ADAD1: variants seen among roughly 807,000 people sequenced by gnomAD.
ADAD1 encodes the protein adenosine deaminase domain containing 1.
In ADAD1, 46 loss-of-function variants were observed where a neutral mutation model predicts 66.8. The observed-to-expected ratio is 0.69, with a 90% CI of 0.54 to 0.88. The LOEUF (loss-of-function observed/expected upper bound fraction) is 0.88, where lower values mean the gene tolerates loss of function less well. Ranked by LOEUF, ADAD1 falls within the 40% of genes least tolerant of loss-of-function variation. ADAD1 has a pLI of 0.00. For missense variants in ADAD1, 617 were observed against 681.8 expected (o/e 0.91, Z 1.06); for synonymous variants, 248 against 229.4 (o/e 1.08, Z -0.73).
chr4:122,380,188 C>T lies in ADAD1; in HGVS notation c.119C>T (p.Ser40Phe), dbSNP rs1794820432. ...TKTITTPTGW[S>F]SESYGLSKMA... ...ACGATAACTACACCCACAGGATGGT[C>T]CTCAGAAAGTTACGGCCTGTCCAAG... Residue 40 changes from serine (S) to phenylalanine (F), a missense_variant, in exon 3 of 13, where the codon TCC becomes TTC. Coordinates refer to ENST00000296513, the MANE Select transcript of ADAD1 (RefSeq NM_139243.4). The T allele has an allele frequency of 1.9e-6, 3 of 1,614,006 alleles. No homozygotes were observed. The highest frequency in any genetic ancestry group is 2.7e-5 in the African/African-American group (2 of 74,906).
At chr4:122,418,423 C>A (rs45494096) in intron 11 of ADAD1, among the ~76,000 whole-genome samples, 1 of 150,986 alleles carries the variant, frequency 6.6e-6, no homozygotes, top group Non-Finnish European at 1.5e-5. Flanking sequence ...TCCTGGTTCA[C>A]GCCATTCTCC....
intron 4 of ADAD1, among the ~76,000 whole-genome samples, chr4:122,381,429 C>T (rs1032222383): frequency 6.6e-6 from 1 of 152,106 alleles, no homozygotes; most frequent in African/African-American, 2.4e-5. Flanking sequence ...GGAAATTAGT[C>T]TCATGGACTA....
chr4:122,385,966 A>G (rs1247829617), intron 5 of ADAD1, among the ~76,000 whole-genome samples: 2 of 152,070 alleles, frequency 1.3e-5, no homozygotes, highest in Non-Finnish European at 2.9e-5. Flanking sequence ...GGTTGGTTCC[A>G]TGTCTTCGCT....
At chr4:122,427,237 G>A (rs1327691879) in intron 12 of ADAD1, among the ~76,000 whole-genome samples, 3 of 152,158 alleles carry the variant, frequency 2.0e-5, no homozygotes, top group Admixed American at 6.5e-5. Context: ...AGCACCAAAC[G>A]TGTACATTTG....
In ADAD1 at chr4:122,429,764, A is replaced by C; in HGVS notation, c.*25A>C. On this transcript the variant is annotated 3_prime_UTR_variant, in exon 13 of 13. Coordinates refer to ENST00000296513, the MANE Select transcript of ADAD1 (RefSeq NM_139243.4). ...AAATAGGCAATCCATTATCACATTAAAAATCTTGTTTTGTTTGGTGTGTTT... is the reference window on the plus strand; with the variant it reads ...AAATAGGCAATCCATTATCACATTACAAATCTTGTTTTGTTTGGTGTGTTT... 6.7e-7 allele frequency: 1 copy of C among 1,496,286 alleles called. No homozygotes were observed. The allele number at this position is 1,496,286 out of a possible 1,614,324, so 92.7% of individuals were successfully genotyped here.
chr4:122,418,423 C>G (rs45494096), intron 11 of ADAD1, among the ~76,000 whole-genome samples: 1 of 150,986 alleles, frequency 6.6e-6, no homozygotes, highest in African/African-American at 2.4e-5. Flanking sequence ...TCCTGGTTCA[C>G]GCCATTCTCC....
chr4:122,380,321 T>C (rs1794831259), intron 3 of ADAD1, 80 bp downstream of exon 3: 2 of 1,494,786 alleles, frequency 1.3e-6, no homozygotes, highest in Middle Eastern at 1.8e-4. Context: ...GAGTCTCTGG[T>C]TTAAAGGTTT....
At chr4:122,411,559 G>A (rs1050109666) in intron 9 of ADAD1, among the ~76,000 whole-genome samples, 167 bp downstream of exon 9, 3 of 151,926 alleles carry the variant, frequency 2.0e-5, no homozygotes, top group East Asian at 1.9e-4. Flanking sequence ...TTCCCTTCCC[G>A]TCAATCTAAT....
intron 12 of ADAD1, among the ~76,000 whole-genome samples, chr4:122,424,335 G>A (rs1797136902): frequency 6.6e-6 from 1 of 152,138 alleles, no homozygotes; most frequent in Admixed American, 6.5e-5. Flanking sequence ...GAGTATGTGT[G>A]CGTGCATGTC....
Position 122,383,951 on chromosome 4 carries a change from A to G in ADAD1, c.514A>G (p.Ile172Val), listed in dbSNP as rs751214775. The change falls in exon 5 of 13, where the codon ATT (isoleucine) becomes GTT (valine). Residue 172 changes from isoleucine (I) to valine (V), a missense_variant. Ile to Val is a conservative substitution (Grantham distance 29). Coordinates refer to ENST00000296513, the MANE Select transcript of ADAD1 (RefSeq NM_139243.4). ...LLQLDEPEPR[I>V]LETSGPPPFP... ...ACAACTGGATGAACCTGAACCACGA[A>G]TTTTAGAAACATCAGGTAAATACTC... 1.9e-6 allele frequency: 3 copies of G among 1,607,406 alleles called. No homozygotes were observed. The highest frequency in any genetic ancestry group is 1.1e-5 in the South Asian group (1 of 89,276).
intron 7 of ADAD1, among the ~76,000 whole-genome samples, chr4:122,402,783 A>G (rs1250394594): frequency 1.3e-5 from 2 of 152,072 alleles, no homozygotes; most frequent in Non-Finnish European, 2.9e-5. Flanking sequence ...CTTCTAGTCT[A>G]TTGCTGAAAC....
rs376347492 is a variant in ADAD1 at position 122,426,868 on chromosome 4, T to C, written c.1618-2758T>C. On this transcript the variant is annotated intron_variant, in intron 12 of 12. Coordinates refer to ENST00000296513, the MANE Select transcript of ADAD1 (RefSeq NM_139243.4). ...AAGGGCATCAATGAAGAGCCTACCA[T>C]TGACATTCTGCTTAATGGTGAAAAG... Among the ~76,000 whole-genome samples, 5 of 152,280 alleles carry C rather than the reference T, an allele frequency of 3.3e-5. No individual in the cohort carries two copies. In the East Asian group the frequency reaches 5.8e-4, roughly 18 times the overall value.
chr4:122,423,883 C>G (rs1170868006), intron 12 of ADAD1, among the ~76,000 whole-genome samples: 1 of 152,116 alleles, frequency 6.6e-6, no homozygotes, highest in Non-Finnish European at 1.5e-5. Context: ...CTAATAGATA[C>G]AAAGTTCTTT....
At position 122,380,879 on chromosome 4, in the gene ADAD1, A is replaced by G. The variant is rs995701142; in HGVS notation, c.173-113A>G. On this transcript the variant is annotated intron_variant, in intron 3 of 12. Coordinates refer to ENST00000296513, the MANE Select transcript of ADAD1 (RefSeq NM_139243.4). Reference sequence around the variant, plus strand: ...TGTTTAGTAGAAACTTAAGAAAAACATATGATGAAGTGTATCTGGGACAAC... The same window carrying G: ...TGTTTAGTAGAAACTTAAGAAAAACGTATGATGAAGTGTATCTGGGACAAC... 6.3e-6 allele frequency: 6 copies of G among 948,168 alleles called. No homozygotes were observed. In the African/African-American group the frequency reaches 1.0e-4, roughly 16 times the overall value. The allele number at this position is 948,168 out of a possible 1,614,324, so 58.7% of individuals were successfully genotyped here. A position where few individuals can be genotyped will look rare whatever the true frequency, so the allele number is the denominator to read the frequency against.
chr4:122,425,920 T>A (rs1386504408), intron 12 of ADAD1, among the ~76,000 whole-genome samples: 2 of 151,952 alleles, frequency 1.3e-5, no homozygotes, highest in African/African-American at 4.8e-5. Context: ...AATCAGTTAT[T>A]GGAGCTTCCA....
chr4:122,419,632 G>A (rs1020472936), intron 11 of ADAD1, among the ~76,000 whole-genome samples: 3 of 152,110 alleles, frequency 2.0e-5, no homozygotes, highest in African/African-American at 7.2e-5. Context: ...TCAGGGAGCA[G>A]AATTTAACAG....
intron 12 of ADAD1, among the ~76,000 whole-genome samples, chr4:122,424,064 G>A (rs1797126353): frequency 6.6e-6 from 1 of 152,224 alleles, no homozygotes; most frequent in Admixed American, 6.5e-5. Context: ...TATAATGGCA[G>A]GTTCAAGGTG....
chr4:122,381,203 C>G (rs201153977), intron 4 of ADAD1, 23 bp downstream of exon 4: 5 of 1,527,118 alleles, frequency 3.3e-6, no homozygotes, highest in Non-Finnish European at 4.4e-6. Flanking sequence ...TTGTATTTGT[C>G]TCAAAAACAA....
chr4:122,415,266 T>G (rs1287063185), intron 10 of ADAD1, 113 bp from the exon 11 acceptor site: 9 of 786,178 alleles, frequency 1.1e-5, no homozygotes, highest in Non-Finnish European at 1.8e-5. Flanking sequence ...AAGGGAAGGT[T>G]GAAAGATAAA....
Sources: gnomAD v4.1 joint callset for allele counts (sites outside exome capture counted in the v4.1 genomes callset) on GRCh38, gnomAD v4.1.1 for gene constraint, MANE v1.5 for transcripts, NCBI Gene and HGNC (gene_info 2026-07-23, HGNC 2026-07-21) for gene names.